The following OPRM1 variants were observed in gnomAD, a reference collection of about 807,000 sequenced individuals.
OPRM1 encodes opioid receptor mu 1.
A neutral mutation model predicts 31.8 loss-of-function variants in OPRM1; 27 were observed. That is an observed-to-expected ratio of 0.85 (90% CI 0.63 to 1.17). The LOEUF is 1.17. Among genes scored for constraint, OPRM1 ranks in the 50% most tolerant of loss-of-function variants. The pLI is 0.00. For missense variants in OPRM1, 536 were observed against 511.1 expected, an observed-to-expected ratio of 1.05 and a Z score of -0.47; for synonymous variants, 196 against 189.9, an observed-to-expected ratio of 1.03 and a Z score of -0.26.
chr6:154,109,790 CTCTG>C (rs1261981591), intron 3 of OPRM1, among the ~76,000 whole-genome samples: 1,090 of 76,912 alleles, frequency 0.014, 4 homozygotes, highest in South Asian at 0.047. Flanking sequence ...CTCTCTCTCT[CTCTG>C]TGTGTGTGTG....
chr6:154,100,039 T>TATGATATATATCATATGATATATATC (rs1438882415), intron 3 of OPRM1, among the ~76,000 whole-genome samples: 6,069 of 82,674 alleles, frequency 0.073, 391 homozygotes, highest in Non-Finnish European at 0.09. Context: ...TATATTATCA[T>TATGATATATATCATATGATATATATC]ATGATATATA....
chr6:154,083,057 A>G (rs1431480073), intron 1 of OPRM1, among the ~76,000 whole-genome samples: 2 of 152,212 alleles, frequency 1.3e-5, no homozygotes, highest in African/African-American at 4.8e-5. Context: ...TAAAATTTTC[A>G]GAAATCGAAT....
chr6:154,193,588 T>A (rs776828738), intron 3 of OPRM1, among the ~76,000 whole-genome samples: 9 of 152,086 alleles, frequency 5.9e-5, no homozygotes, highest in Non-Finnish European at 1.2e-4. Flanking sequence ...AAAACTTCAA[T>A]AACATCAAAA....
At chr6:154,106,196 A>C (rs1350501870) in intron 3 of OPRM1, among the ~76,000 whole-genome samples, 1 of 152,232 alleles carries the variant, frequency 6.6e-6, no homozygotes, top group African/African-American at 2.4e-5. Context: ...GACTTCTTAT[A>C]ATTTTTCACC....
chr6:154,200,131 C>T (rs1263328757), intron 3 of OPRM1: 28 of 1,192,516 alleles, frequency 2.3e-5, no homozygotes, highest in African/African-American at 7.7e-5. Context: ...ACGGTGTCCC[C>T]GTGTTATTTC....
intron 3 of OPRM1, among the ~76,000 whole-genome samples, chr6:154,243,306 C>T (rs1780747377): frequency 6.6e-6 from 1 of 152,182 alleles, no homozygotes; most frequent in South Asian, 2.1e-4. Flanking sequence ...TGGATTTCTA[C>T]GGCTGTTAAA....
At chr6:154,205,342 C>T (rs994047601) in intron 3 of OPRM1, among the ~76,000 whole-genome samples, 1 of 152,112 alleles carries the variant, frequency 6.6e-6, no homozygotes, top group Non-Finnish European at 1.5e-5. Flanking sequence ...TGCCTGTAAT[C>T]TCAGCACTTT....
chr6:154,041,806 T>C (rs1780122653), intron 1 of OPRM1, among the ~76,000 whole-genome samples: 1 of 152,226 alleles, frequency 6.6e-6, no homozygotes, highest in South Asian at 2.1e-4. Context: ...CTAGGAATCC[T>C]GCCATCTGAA....
chr6:154,012,483 G>A (rs147520869), intron 1 of OPRM1, among the ~76,000 whole-genome samples: 47 of 152,018 alleles, frequency 3.1e-4, no homozygotes, highest in African/African-American at 1.1e-3. Flanking sequence ...TCTATTTTCC[G>A]AGCCCTCTTA....
chr6:154,206,636 G>A (rs534496204), intron 3 of OPRM1, among the ~76,000 whole-genome samples: 1 of 152,248 alleles, frequency 6.6e-6, no homozygotes, highest in South Asian at 2.1e-4. Context: ...AAACACTATG[G>A]GAATACAGAG....
At chr6:154,118,565 A>C in intron 3 of OPRM1, 118 bp from the exon 4 acceptor site, 1 of 842,836 alleles carries the variant, frequency 1.2e-6, no homozygotes, top group Non-Finnish European at 1.9e-6. Flanking sequence ...TGAGGCTTGC[A>C]GGTGAAAGTA....
At chr6:154,179,940 C>T (rs1275851433) in intron 3 of OPRM1, among the ~76,000 whole-genome samples, 2 of 152,034 alleles carry the variant, frequency 1.3e-5, no homozygotes, top group African/African-American at 4.8e-5. Flanking sequence ...TAACAAGCTC[C>T]TAAGTGATGC....
intron 3 of OPRM1, among the ~76,000 whole-genome samples, chr6:154,177,804 A>C (rs546159754): frequency 6.6e-6 from 1 of 152,232 alleles, no homozygotes; most frequent in Non-Finnish European, 1.5e-5. Flanking sequence ...TATCCAAAGG[A>C]TTATAAATCA....
intron 3 of OPRM1, among the ~76,000 whole-genome samples, chr6:154,240,438 AT>A (rs1780486711): frequency 6.6e-6 from 1 of 152,148 alleles, no homozygotes; most frequent in African/African-American, 2.4e-5. Context: ...ATGTATGCTA[AT>A]CTATGCCTAC....
At chr6:154,196,496 A>G (rs1190681174) in intron 3 of OPRM1, among the ~76,000 whole-genome samples, 2 of 152,128 alleles carry the variant, frequency 1.3e-5, no homozygotes, top group Non-Finnish European at 2.9e-5. Context: ...ATTTATTTGT[A>G]TAAATTGGGT....
intron 1 of OPRM1, among the ~76,000 whole-genome samples, chr6:154,013,988 G>C (rs527419302): frequency 2.0e-5 from 3 of 152,236 alleles, no homozygotes; most frequent in African/African-American, 7.2e-5. Flanking sequence ...GAAGGAACTG[G>C]AGAGTCACAT....
At position 154,086,875 on chromosome 6, in the gene OPRM1, T is replaced by A. The variant is rs190580238; in HGVS notation, c.291-2951T>A. 103 of 983,704 alleles carry A rather than the reference T, an allele frequency of 1.0e-4. No individual in the cohort carries two copies. The African/African-American group carries it at 1.7e-3, about 16-fold the overall frequency. The allele number at this position is 983,704 out of a possible 1,614,324, so 60.9% of individuals were successfully genotyped here. On this transcript the variant is annotated intron_variant, in intron 1 of 3. Transcript: ENST00000330432. ...TTATTTTCTCTTTTGGGGAGAAACT[T>A]CTTCTTATTAAAAAAATAAAAAATG...
chr6:154,180,414 A>ATATATATATATATATATATTTTTT (rs1241250621), intron 3 of OPRM1, among the ~76,000 whole-genome samples: 2 of 65,264 alleles, frequency 3.1e-5, no homozygotes, highest in African/African-American at 9.6e-5. Flanking sequence ...ATATATATAT[A>ATATATATATATATATATATTTTTT]TTTTTTTTTT....
intron 3 of OPRM1, among the ~76,000 whole-genome samples, chr6:154,176,553 T>G (rs1241433520): frequency 6.6e-6 from 1 of 152,074 alleles, no homozygotes; most frequent in Non-Finnish European, 1.5e-5. Context: ...AAATCATGAG[T>G]GAACTCCCAT....
Sources: gnomAD v4.1 joint callset for allele counts (sites outside exome capture counted in the v4.1 genomes callset) on GRCh38, gnomAD v4.1.1 for gene constraint, MANE v1.5 for transcripts, NCBI Gene and HGNC (gene_info 2026-07-23, HGNC 2026-07-21) for gene names.